Variants in CHORDC1 observed in about 807,000 individuals in gnomAD.
The protein encoded by CHORDC1 is cysteine and histidine-rich domain-containing protein 1.
In CHORDC1, 25 loss-of-function variants were observed where a neutral mutation model predicts 48.3. The observed-to-expected ratio is 0.52, with a 90% CI of 0.38 to 0.72. The LOEUF (loss-of-function observed/expected upper bound fraction) is 0.72, where lower values mean the gene tolerates loss of function less well. CHORDC1 is among the 30% of genes least tolerant of loss of function. The pLI is 0.00. For synonymous variants in CHORDC1, 128 were observed against 126.4 expected (o/e 1.01, Z -0.09); for missense variants, 317 against 388.7 (o/e 0.82, Z 1.55).
At chr11:90,209,223 A>T (rs183551505) in intron 6 of CHORDC1, 2 of 152,278 alleles carry the variant, frequency 1.3e-5, no homozygotes, top group Non-Finnish European at 2.9e-5. Flanking sequence ...ATGAGGAAAA[A>T]GTATAAACCT....
chr11:90,215,801 G>C (rs545655025), intron 2 of CHORDC1, among the ~76,000 whole-genome samples: 1 of 151,908 alleles, frequency 6.6e-6, no homozygotes, highest in Admixed American at 6.5e-5. Context: ...CTATCAAGTA[G>C]TTTACCAAAA....
chr11:90,203,027 CAAAA>C (rs1857580069), intron 9 of CHORDC1, 152 bp from the exon 10 acceptor site: 4 of 1,061,114 alleles, frequency 3.8e-6, no homozygotes, highest in Middle Eastern at 2.5e-4. Flanking sequence ...AAGCCACTGA[CAAAA>C]AAGAATAACT....
At chr11:90,203,211 CA>C in intron 9 of CHORDC1, 96 bp downstream of exon 9, 1 of 1,178,194 alleles carries the variant, frequency 8.5e-7, no homozygotes, top group Non-Finnish European at 1.2e-6. Flanking sequence ...ATCTTACCCC[CA>C]AATCAGCTGA....
At chr11:90,222,747 G>T (rs1858207856) in intron 1 of CHORDC1, 144 bp downstream of exon 1, 1 of 781,590 alleles carries the variant, frequency 1.3e-6, no homozygotes, top group Non-Finnish European at 2.2e-6. Context: ...GGCTGCGCGG[G>T]CAGCCAAGGG....
rs1011053050 is a variant in CHORDC1, at chr11:90,202,068, T to TA, written c.*336dup. On this transcript the variant is annotated 3_prime_UTR_variant, in exon 11 of 11. Transcript: ENST00000320585. ...CTAATTATGGAATAATACAAAAACATAAAAAAAATGTTCCTTAATATTTCT... is the reference window on the plus strand; with the variant it reads ...CTAATTATGGAATAATACAAAAACATAAAAAAAAATGTTCCTTAATATTTCT... 9.6e-5 allele frequency: 17 copies of TA among 177,474 alleles called. No individual in the cohort carries two copies. Among genetic ancestry groups the TA allele is most frequent in the Non-Finnish European group, 1.6e-4 (14 of 85,266 alleles). 11.0% of individuals were successfully genotyped at this position (177,474 alleles called of 1,614,324 possible).
intron 2 of CHORDC1, chr11:90,216,590 A>G: frequency 2.3e-6 from 1 of 429,634 alleles, no homozygotes; most frequent in Non-Finnish European, 4.6e-6. Flanking sequence ...ACCACAATAA[A>G]CACTACAACT....
chr11:90,201,262 T>C lies in CHORDC1; in HGVS notation c.*1143A>G, dbSNP rs1318572189. 1 of 151,992 alleles carries C rather than the reference T, an allele frequency of 6.6e-6. No individual in the cohort carries two copies. The highest frequency in any genetic ancestry group is 1.5e-5 in the Non-Finnish European group (1 of 67,880). The allele number at this position is 151,992 out of a possible 1,614,324, so 9.4% of individuals were successfully genotyped here. A position where few individuals can be genotyped will look rare whatever the true frequency, so the allele number is the denominator to read the frequency against. On this transcript the variant is annotated 3_prime_UTR_variant, in exon 11 of 11. Transcript: ENST00000320585. ...AAGTTTAATTTATTCCCAAACTTTC[T>C]AAGTTCTTCCAGAGTTCTGGCCTTC...
chr11:90,202,808 C>T lies in CHORDC1; in HGVS notation c.852+5G>A, dbSNP rs1857575348. On this transcript the variant is annotated splice_donor_5th_base_variant and intron_variant, in intron 10 of 10. Transcript: ENST00000320585. Reference sequence around the variant, plus strand: ...AAAAAATTCTTATAAATTTGTAATACTTACACCCCATAATTTCACATTTTG... The same window carrying T: ...AAAAAATTCTTATAAATTTGTAATATTTACACCCCATAATTTCACATTTTG... 1 of 1,593,028 alleles carries T rather than the reference C, an allele frequency of 6.3e-7. No homozygotes were observed. The highest frequency in any genetic ancestry group is 8.5e-7 in the Non-Finnish European group (1 of 1,171,878).
At chr11:90,222,650 G>C (rs1259488676) in intron 1 of CHORDC1, 2 of 687,070 alleles carry the variant, frequency 2.9e-6, no homozygotes, top group Non-Finnish European at 5.3e-6. Flanking sequence ...CCATGGGAGC[G>C]TCTCTCTCCG....
rs11018926 is a variant in CHORDC1, at chr11:90,221,728, G to A, written c.64+1163C>T. 2.0e-4 allele frequency among the ~76,000 whole-genome samples: 31 copies of A among 152,212 alleles called. No individual in the cohort carries two copies. In the East Asian group the frequency reaches 6.0e-3, roughly 29 times the overall value. The stretch of plus-strand genomic sequence containing the variant: ...TTTGCATCATAAAAATGTCAGTGGC[G>A]GTAACTTGAGTATTGCATAGGTTGG... On this transcript the variant is annotated intron_variant, in intron 1 of 10. Coordinates refer to ENST00000320585, the MANE Select transcript of CHORDC1 (RefSeq NM_012124.3).
chr11:90,203,191 T>A (rs1857583686), intron 9 of CHORDC1, 117 bp downstream of exon 9: 1 of 984,098 alleles, frequency 1.0e-6, no homozygotes, highest in Non-Finnish European at 1.5e-6. Flanking sequence ...TTAATGGGAG[T>A]CATTATAAAA....
chr11:90,218,712 A>G (rs1427891359), intron 1 of CHORDC1, among the ~76,000 whole-genome samples: 1 of 152,164 alleles, frequency 6.6e-6, no homozygotes, highest in Non-Finnish European at 1.5e-5. Context: ...ACCTCACTAA[A>G]AAGAAGACTA....
At chr11:90,216,535 A>G (rs1385986471) in intron 2 of CHORDC1, 4 of 444,308 alleles carry the variant, frequency 9.0e-6, no homozygotes, top group African/African-American at 8.1e-5. Context: ...GAAATCCAAT[A>G]ATCTTGGAAA....
At chr11:90,205,246 T>G (rs1159760371) in intron 8 of CHORDC1, among the ~76,000 whole-genome samples, 2 of 152,200 alleles carry the variant, frequency 1.3e-5, no homozygotes, top group Non-Finnish European at 2.9e-5. Context: ...AAACCTCACA[T>G]GCTTGCATCA....
intron 1 of CHORDC1, chr11:90,222,611 T>A (rs779424733): frequency 5.0e-5 from 33 of 654,690 alleles, no homozygotes; most frequent in South Asian, 4.8e-4. Flanking sequence ...TTAAAAGGAG[T>A]GCGGGGACGA....
intron 8 of CHORDC1, among the ~76,000 whole-genome samples, chr11:90,204,840 A>G (rs1391525748): frequency 6.6e-6 from 1 of 152,190 alleles, no homozygotes; most frequent in African/African-American, 2.4e-5. Flanking sequence ...TTATTGAGCA[A>G]TAAGTTGCTC....
At chr11:90,206,165 T>G in intron 7 of CHORDC1, 37 bp downstream of exon 7, 1 of 1,196,580 alleles carries the variant, frequency 8.4e-7, no homozygotes, top group Non-Finnish European at 1.2e-6. Flanking sequence ...TTCTAAATTC[T>G]ACCATAAACT....
At chr11:90,213,946 CAT>C in intron 4 of CHORDC1, 70 bp downstream of exon 4, 1 of 1,287,296 alleles carries the variant, frequency 7.8e-7, no homozygotes, top group Non-Finnish European at 1.1e-6. Flanking sequence ...CATGCTAAAT[CAT>C]AAAGGAAAGT....
Position 90,202,379 on chromosome 11 carries a change from G to T in CHORDC1, c.*26C>A. 1 of 1,606,784 alleles carries T rather than the reference G, an allele frequency of 6.2e-7. No homozygotes were observed. The highest frequency in any genetic ancestry group is 8.5e-7 in the Non-Finnish European group (1 of 1,175,920). On this transcript the variant is annotated 3_prime_UTR_variant, in exon 11 of 11. Transcript: ENST00000320585. The stretch of plus-strand genomic sequence containing the variant: ...ACAGTATTAAAAATTCGGAAATAAT[G>T]TAATAGCCTTCCTTCCATCTCCCAC...
Sources: gnomAD v4.1 joint callset for allele counts (sites outside exome capture counted in the v4.1 genomes callset) on GRCh38, gnomAD v4.1.1 for gene constraint, MANE v1.5 for transcripts, NCBI Gene and HGNC (gene_info 2026-07-23, HGNC 2026-07-21) for gene names.